Variants in AREL1 observed in about 807,000 individuals in gnomAD.
AREL1 encodes the protein apoptosis resistant E3 ubiquitin protein ligase 1, also known as apoptosis-resistant E3 ubiquitin protein ligase 1.
In AREL1, 62 loss-of-function variants were observed where a neutral mutation model predicts 99.0. That is an observed-to-expected ratio of 0.63 (90% confidence interval 0.51 to 0.77). The LOEUF (loss-of-function observed/expected upper bound fraction) is 0.77, where lower values mean the gene tolerates loss of function less well. Among genes scored for constraint, AREL1 ranks in the 30% least tolerant of loss-of-function variants. The pLI, the probability that AREL1 is intolerant of heterozygous loss-of-function variation, is 0.00. For missense variants in AREL1, 879 were observed against 1,027.6 expected (o/e 0.86, Z 1.98); for synonymous variants, 380 against 376.5 (o/e 1.01, Z -0.11).
intron 15 of AREL1, 46 bp downstream of exon 15, chr14:74,669,603 G>T (rs1273667324): frequency 1.3e-6 from 2 of 1,598,444 alleles, no homozygotes; most frequent in Non-Finnish European, 8.5e-7. Context: ...CTGCTCTACA[G>T]GAAACTGGAG....
At chr14:74,672,311 TAGA>T (rs1334369143) in intron 11 of AREL1, among the ~76,000 whole-genome samples, 3 of 151,186 alleles carry the variant, frequency 2.0e-5, no homozygotes, top group Admixed American at 6.6e-5. Flanking sequence ...TAGAATCAAA[TAGA>T]AGAACAGACA....
In AREL1 at chr14:74,685,011, C is replaced by T. The variant is rs562294000; in HGVS notation, c.17-331G>A. Among the ~76,000 whole-genome samples, 28 of 152,262 alleles carry T rather than the reference C, an allele frequency of 1.8e-4. No homozygotes were observed. In the South Asian group the frequency reaches 5.2e-3, roughly 28 times the overall value. On this transcript the variant is annotated intron_variant, in intron 3 of 19. Coordinates refer to ENST00000356357, the MANE Select transcript of AREL1 (RefSeq NM_001039479.2). Reference sequence around the variant, plus strand: ...GAGTTGAGTCATTGAAATGAGCCTTCGGAACCAAAAATATTTACTCTCTGG... The same window carrying T: ...GAGTTGAGTCATTGAAATGAGCCTTTGGAACCAAAAATATTTACTCTCTGG...
In AREL1 at chr14:74,663,785, C is replaced by T. The variant is rs781184364; in HGVS notation, c.2407G>A (p.Glu803Lys). The change falls in exon 20 of 20, where the codon GAA becomes AAA. Residue 803 changes from glutamate to lysine, a missense_variant. Glu to Lys is a moderately conservative substitution (Grantham distance 56). Coordinates refer to ENST00000356357, the MANE Select transcript of AREL1 (RefSeq NM_001039479.2). ...AGCTGCAGCATCCTGTGCACCTCTTCATAGGAGTCATATGTAGGGAGGCAC... is the reference window on the plus strand; with the variant it reads ...AGCTGCAGCATCCTGTGCACCTCTTTATAGGAGTCATATGTAGGGAGGCAC... Reference protein sequence around the residue: ...QLCLPTYDSYEEVHRMLQLAI... With the variant: ...QLCLPTYDSYKEVHRMLQLAI... The T allele has an allele frequency of 1.2e-6, 2 of 1,614,052 alleles. No homozygotes were observed. The highest frequency in any genetic ancestry group is 2.2e-5 in the South Asian group (2 of 91,092).
At chr14:74,670,905 G>A (rs2089322423) in intron 12 of AREL1, 34 bp from the exon 13 acceptor site, 1 of 1,568,922 alleles carries the variant, frequency 6.4e-7, no homozygotes, top group African/African-American at 1.4e-5. Flanking sequence ...AAATGACTCT[G>A]CCCTCCCTCC....
rs777208686 is a variant in AREL1, at chr14:74,713,012, C to T, written c.-413G>A. ...GCGGCAGCACTCAGCAGAAGACGGG[C>T]TCCCCACTCTCCCACCAACAGACCC... On this transcript the variant is annotated 5_prime_UTR_variant, in exon 1 of 20. Coordinates refer to ENST00000356357, the MANE Select transcript of AREL1 (RefSeq NM_001039479.2). The T allele has an allele frequency of 4.3e-5, 41 of 944,494 alleles. No homozygotes were observed. Among genetic ancestry groups the T allele is most frequent in the South Asian group, 4.2e-4 (31 of 73,774 alleles). The allele number at this position is 944,494 out of a possible 1,614,324, so 58.5% of individuals were successfully genotyped here.
chr14:74,664,747 C>T (rs548617996), intron 18 of AREL1, 89 bp downstream of exon 18: 1 of 1,120,412 alleles, frequency 8.9e-7, no homozygotes, highest in South Asian at 1.3e-5. Flanking sequence ...GCATGAGCCA[C>T]TGCGCCCGGC....
chr14:74,671,014 G>A, intron 12 of AREL1, 143 bp from the exon 13 acceptor site: 1 of 640,308 alleles, frequency 1.6e-6, no homozygotes, highest in Non-Finnish European at 2.7e-6. Flanking sequence ...TCTAAACTGT[G>A]GTCCTTTAGA....
rs1290462791 is a variant in AREL1 at position 74,666,419 on chromosome 14, C to A, written c.2103+900G>T. On this transcript the variant is annotated intron_variant, in intron 17 of 19. Coordinates refer to ENST00000356357, the MANE Select transcript of AREL1 (RefSeq NM_001039479.2). ...TAGAATGGTATTTACCATCTTAGAG[C>A]CATTTTTTAGTTGTTACAGGATCTG... Among the ~76,000 whole-genome samples the A allele has an allele frequency of 5.9e-5, 9 of 152,154 alleles. No homozygotes were observed. The East Asian group carries it at 1.7e-3, about 29-fold the overall frequency.
chr14:74,706,019 T>C (rs1248656787), intron 1 of AREL1, among the ~76,000 whole-genome samples: 1 of 152,242 alleles, frequency 6.6e-6, no homozygotes, highest in Non-Finnish European at 1.5e-5. Flanking sequence ...GGCTCATCCA[T>C]GTCACTGTCC....
chr14:74,711,704 AG>A (rs1173581337), intron 1 of AREL1, among the ~76,000 whole-genome samples: 5 of 152,166 alleles, frequency 3.3e-5, no homozygotes, highest in African/African-American at 1.2e-4. Flanking sequence ...AATAAACATA[AG>A]TCCTGATAAC....
At chr14:74,707,891 A>C (rs28464554) in intron 1 of AREL1, among the ~76,000 whole-genome samples, 32,962 of 148,440 alleles carry the variant, frequency 0.22, 3,623 homozygotes, top group South Asian at 0.31. Flanking sequence ...CGGGAGGCGG[A>C]GCTTGCAGTG....
rs557198223 is a variant in AREL1, at chr14:74,664,154, C to T, written c.2194-80G>A. The stretch of plus-strand genomic sequence containing the variant: ...ATCCCTGGGGAAGGAACAAGATACA[C>T]TAAAGTGGGGCTGTGCCCCAGTTAC... On this transcript the variant is annotated intron_variant, in intron 18 of 19. Transcript: ENST00000356357. The T allele has an allele frequency of 2.4e-5, 36 of 1,485,968 alleles. 1 individual carries two copies. The South Asian group carries it at 4.2e-4, about 17-fold the overall frequency. The allele number at this position is 1,485,968 out of a possible 1,614,324, so 92.0% of individuals were successfully genotyped here.
intron 8 of AREL1, among the ~76,000 whole-genome samples, chr14:74,674,942 A>T (rs772506494): frequency 3.9e-5 from 6 of 152,206 alleles, no homozygotes; most frequent in Non-Finnish European, 7.3e-5. Flanking sequence ...CACACAAAAA[A>T]GTTCATACAA....
intron 17 of AREL1, among the ~76,000 whole-genome samples, 185 bp from the exon 18 acceptor site, chr14:74,665,110 T>C (rs1241353650): frequency 6.6e-6 from 1 of 152,178 alleles, no homozygotes; most frequent in Non-Finnish European, 1.5e-5. Context: ...AGGGCAATAG[T>C]TGCTAACCAG....
intron 15 of AREL1, 42 bp downstream of exon 15, chr14:74,669,607 A>G (rs1485421981): frequency 6.2e-7 from 1 of 1,600,488 alleles, no homozygotes; most frequent in Non-Finnish European, 8.5e-7. Context: ...TCTACAGGAA[A>G]CTGGAGAACA....
chr14:74,711,089 G>A (rs1430393098), intron 1 of AREL1, among the ~76,000 whole-genome samples: 4 of 151,998 alleles, frequency 2.6e-5, no homozygotes, highest in African/African-American at 4.8e-5. Flanking sequence ...AAATCAGCCA[G>A]GCGTGTTGGC....
chr14:74,676,730 G>T lies in AREL1; in HGVS notation c.504C>A (p.Thr168=). The T allele has an allele frequency of 6.2e-7, 1 of 1,605,410 alleles. No homozygotes were observed. The highest frequency in any genetic ancestry group is 8.5e-7 in the Non-Finnish European group (1 of 1,175,980). The change falls in exon 6 of 20, where the codon ACC becomes ACA. Residue 168 remains threonine, a synonymous_variant. Coordinates refer to ENST00000356357, the MANE Select transcript of AREL1 (RefSeq NM_001039479.2). ...FQPGMVVPSK[T]KIVCHFSTLV... ...GAGTAGAAAAGTGGCACACAATTTT[G>T]GTCTTAGAAGGAACCACCATTCCTG...
At chr14:74,683,998 A>G (rs1296946158) in intron 4 of AREL1, among the ~76,000 whole-genome samples, 3 of 152,218 alleles carry the variant, frequency 2.0e-5, no homozygotes, top group Non-Finnish European at 4.4e-5. Context: ...AAGTCAATGC[A>G]GGAGTTGGGA....
intron 3 of AREL1, 96 bp downstream of exon 3, chr14:74,685,504 C>G: frequency 7.1e-7 from 1 of 1,404,704 alleles, no homozygotes; most frequent in South Asian, 1.2e-5. Flanking sequence ...ATATTTTCAG[C>G]TCCATTTTCA....
Sources: allele counts gnomAD v4.1 joint callset (sites outside exome capture counted in the v4.1 genomes callset), GRCh38; gene constraint gnomAD v4.1.1; transcripts MANE v1.5; gene names NCBI Gene and HGNC (gene_info 2026-07-23, HGNC 2026-07-21).